The following IL20RB variants were observed in gnomAD, a reference collection of about 807,000 sequenced individuals.
IL20RB encodes interleukin 20 receptor subunit beta.
Under a neutral mutation model 33.3 loss-of-function variants are expected in IL20RB, and 21 were observed. The ratio of observed to expected loss-of-function variants is 0.63; its 90% confidence interval spans 0.45 to 0.91. The LOEUF (loss-of-function observed/expected upper bound fraction) is 0.91, where lower values mean the gene tolerates loss of function less well. Among genes scored for constraint, IL20RB ranks in the 40% least tolerant of loss-of-function variants. The pLI, the probability that IL20RB is intolerant of heterozygous loss-of-function variation, is 0.00. For missense variants in IL20RB, 345 were observed against 384.8 expected, an observed-to-expected ratio of 0.90 and a Z score of 0.86; for synonymous variants, 147 against 146.8, an observed-to-expected ratio of 1.00 and a Z score of -0.01.
At chr3:136,969,737 C>G (rs1402970089) in intron 1 of IL20RB, among the ~76,000 whole-genome samples, 1 of 152,172 alleles carries the variant, frequency 6.6e-6, no homozygotes, top group African/African-American at 2.4e-5. Flanking sequence ...CTCCTCCTCC[C>G]TCTCTAGATA....
chr3:136,983,798 G>T (rs1355506479), intron 3 of IL20RB, among the ~76,000 whole-genome samples: 1 of 152,188 alleles, frequency 6.6e-6, no homozygotes, highest in Non-Finnish European at 1.5e-5. Context: ...GGCTTAGAAA[G>T]CTCAAAGGCA....
At chr3:136,995,828 A>G (rs954766368) in intron 6 of IL20RB, among the ~76,000 whole-genome samples, 2 of 152,206 alleles carry the variant, frequency 1.3e-5, no homozygotes, top group Non-Finnish European at 2.9e-5. Flanking sequence ...TGTGTTGCCC[A>G]GCCCAGGATG....
chr3:136,969,786 C>A (rs1941424623), intron 1 of IL20RB, among the ~76,000 whole-genome samples: 1 of 151,518 alleles, frequency 6.6e-6, no homozygotes, highest in Non-Finnish European at 1.5e-5. Context: ...GTTTTTTTTT[C>A]CACTTTGCAA....
At chr3:136,963,914 A>G (rs1428386102) in intron 1 of IL20RB, among the ~76,000 whole-genome samples, 1 of 70,456 alleles carries the variant, frequency 1.4e-5, no homozygotes, top group African/African-American at 5.6e-5. Flanking sequence ...TCATTGTTCA[A>G]TTCCCACCTA....
intron 3 of IL20RB, among the ~76,000 whole-genome samples, chr3:136,986,260 A>AAAT (rs1560072275): frequency 6.8e-5 from 3 of 44,120 alleles, no homozygotes; most frequent in South Asian, 5.7e-4. Flanking sequence ...AATAAATAAA[A>AAAT]ATAAAACAGG....
At chr3:136,990,610 GA>G (rs1353157253) in intron 4 of IL20RB, among the ~76,000 whole-genome samples, 1 of 152,172 alleles carries the variant, frequency 6.6e-6, no homozygotes, top group Non-Finnish European at 1.5e-5. Context: ...CTCAGAAGAA[GA>G]ATCCAATTGG....
intron 6 of IL20RB, among the ~76,000 whole-genome samples, chr3:136,995,988 T>C (rs949668886): frequency 9.2e-5 from 14 of 152,326 alleles, no homozygotes; most frequent in African/African-American, 3.4e-4. Flanking sequence ...GCCTCATTGT[T>C]CTCAGAGTGA....
chr3:136,970,180 C>A (rs1458813188), intron 1 of IL20RB, among the ~76,000 whole-genome samples: 1 of 151,918 alleles, frequency 6.6e-6, no homozygotes, highest in African/African-American at 2.4e-5. Flanking sequence ...GCGGTCTCAA[C>A]CTCCTGGATT....
chr3:136,996,183 C>G lies in IL20RB; in HGVS notation c.825+627C>G, dbSNP rs1942123080. On this transcript the variant is annotated intron_variant, in intron 6 of 6. Transcript: ENST00000329582. ...AGGGCCCTGGACCACAGGTCTGGGT[C>G]TCTCCAGTGGGTATAGGACCCATGC... Among the ~76,000 whole-genome samples the G allele has an allele frequency of 2.0e-5, 3 of 152,086 alleles. No homozygotes were observed. The South Asian group carries it at 6.2e-4, about 32-fold the overall frequency.
chr3:137,001,650 A>AT (rs1942244616), intron 6 of IL20RB, among the ~76,000 whole-genome samples: 1 of 152,160 alleles, frequency 6.6e-6, no homozygotes, highest in South Asian at 2.1e-4. Flanking sequence ...TTTGTGTTTA[A>AT]TTTATCTGTA....
In IL20RB at chr3:136,966,542, AT is replaced by A. The variant is rs1292788194; in HGVS notation, c.88+8342del. Among the ~76,000 whole-genome samples the A allele has an allele frequency of 2.9e-4, 26 of 88,902 alleles. 10 individuals carry two copies. The highest frequency in any genetic ancestry group is 1.1e-3 in the African/African-American group (24 of 21,692). 58.3% of individuals were successfully genotyped at this position (88,902 alleles called of 152,430 possible). A position where few individuals can be genotyped will look rare whatever the true frequency, so the allele number is the denominator to read the frequency against. The stretch of plus-strand genomic sequence containing the variant: ...GTATTTCTGTGTTATCGGTGGTGAT[AT>A]CCCCTTTATCATTTTTTATTGTGTC... On this transcript the variant is annotated intron_variant, in intron 1 of 6. Transcript: ENST00000329582.
intron 1 of IL20RB, among the ~76,000 whole-genome samples, chr3:136,966,564 G>T (rs1941356641): frequency 1.1e-5 from 1 of 89,914 alleles, no homozygotes. Flanking sequence ...ATTTTTTATT[G>T]TGTCTATTTG....
At chr3:136,998,512 T>C (rs189954239) in intron 6 of IL20RB, among the ~76,000 whole-genome samples, 1 of 151,880 alleles carries the variant, frequency 6.6e-6, no homozygotes, top group African/African-American at 2.4e-5. Flanking sequence ...TGACTTTTTT[T>C]AATTATAGGT....
At position 137,002,572 on chromosome 3, in the gene IL20RB, C is replaced by T. The variant is rs539542417; in HGVS notation, c.825+7016C>T. On this transcript the variant is annotated intron_variant, in intron 6 of 6. Coordinates refer to ENST00000329582, the MANE Select transcript of IL20RB (RefSeq NM_144717.4). ...GTGTCTGTTGGCTGCATAAATGTCTCCTTTTGAGAAGTGTCTGTTCATATC... is the reference window on the plus strand; with the variant it reads ...GTGTCTGTTGGCTGCATAAATGTCTTCTTTTGAGAAGTGTCTGTTCATATC... 4.6e-3 allele frequency among the ~76,000 whole-genome samples: 684 copies of T among 149,622 alleles called. 3 individuals are homozygous for T. Among genetic ancestry groups the T allele is most frequent in the Non-Finnish European group, 5.6e-3 (375 of 67,328 alleles).
At chr3:136,991,150 G>C (rs552336501) in intron 4 of IL20RB, among the ~76,000 whole-genome samples, 6 of 152,304 alleles carry the variant, frequency 3.9e-5, no homozygotes, top group Admixed American at 6.5e-5. Context: ...GGTGCTGCCC[G>C]TGGCTCCACT....
chr3:136,984,439 C>T (rs1161615330), intron 3 of IL20RB, among the ~76,000 whole-genome samples: 1 of 151,854 alleles, frequency 6.6e-6, no homozygotes, highest in Admixed American at 6.6e-5. Flanking sequence ...GGAATGTAAC[C>T]AGTTTAGAGC....
At chr3:137,004,725 T>C (rs1942318357) in intron 6 of IL20RB, among the ~76,000 whole-genome samples, 1 of 152,224 alleles carries the variant, frequency 6.6e-6, no homozygotes, top group Admixed American at 6.5e-5. Context: ...AGCTTCTGGA[T>C]TCATTTATTT....
intron 6 of IL20RB, among the ~76,000 whole-genome samples, chr3:137,004,203 G>A (rs1942303520): frequency 6.6e-6 from 1 of 152,150 alleles, no homozygotes; most frequent in African/African-American, 2.4e-5. Flanking sequence ...TATTCCTCAG[G>A]GATATTGGTC....
rs756978063 is a variant in IL20RB at position 137,010,229 on chromosome 3, C to T, written c.*6C>T. 413 of 1,378,252 alleles carry T rather than the reference C, an allele frequency of 3.0e-4. 1 individual carries two copies. Among genetic ancestry groups the T allele is most frequent in the South Asian group, 7.0e-4 (60 of 86,184 alleles). The allele number at this position is 1,378,252 out of a possible 1,614,324, so 85.4% of individuals were successfully genotyped here. A position where few individuals can be genotyped will look rare whatever the true frequency, so the allele number is the denominator to read the frequency against. On this transcript the variant is annotated 3_prime_UTR_variant, in exon 7 of 7. Coordinates refer to ENST00000329582, the MANE Select transcript of IL20RB (RefSeq NM_144717.4). ...TCAGGGCCTGGATCTCATAGGTTTG[C>T]GGAAGGGCCCAGGTGAAGCCGAGAA...
Sources: allele counts gnomAD v4.1 joint callset (sites outside exome capture counted in the v4.1 genomes callset), GRCh38; gene constraint gnomAD v4.1.1; transcripts MANE v1.5; gene names NCBI Gene and HGNC (gene_info 2026-07-23, HGNC 2026-07-21).